Variants in ADAM10 observed in about 807,000 individuals in gnomAD.
ADAM10 encodes the protein ADAM metallopeptidase domain 10.
A neutral mutation model predicts 90.1 loss-of-function variants in ADAM10; 17 were observed. The ratio of observed to expected loss-of-function variants is 0.19; its 90% CI spans 0.13 to 0.28. ADAM10 has a LOEUF of 0.28. ADAM10 is among the 10% of genes least tolerant of loss of function. ADAM10 has a pLI of 1.00. For synonymous variants in ADAM10, 310 were observed against 298.6 expected (o/e 1.04, Z -0.40); for missense variants, 610 against 914.3 (o/e 0.67, Z 4.29).
chr15:58,633,398 T>C, intron 8 of ADAM10, 39 bp from the exon 9 acceptor site: 2 of 1,569,956 alleles, frequency 1.3e-6, no homozygotes, highest in Admixed American at 3.3e-5. Flanking sequence ...TAGTATCTGT[T>C]TCCCCTTACC....
chr15:58,698,406 T>TAAAAA (rs56797082), intron 2 of ADAM10: 142 of 201,586 alleles, frequency 7.0e-4, no homozygotes, highest in South Asian at 2.8e-3. Context: ...ACCCCATCTC[T>TAAAAA]AAAAAAAAAA....
intron 4 of ADAM10, among the ~76,000 whole-genome samples, chr15:58,669,117 T>A (rs1302221784): frequency 6.6e-6 from 1 of 152,142 alleles, no homozygotes; most frequent in Non-Finnish European, 1.5e-5. Flanking sequence ...AATTATTATA[T>A]ACCAAACAAA....
chr15:58,636,686 G>T (rs755121358), intron 8 of ADAM10, among the ~76,000 whole-genome samples: 1 of 152,058 alleles, frequency 6.6e-6, no homozygotes, highest in Non-Finnish European at 1.5e-5. Context: ...TAAAGTTAGA[G>T]TATCTGTCCT....
At chr15:58,714,130 G>C (rs575304533) in intron 2 of ADAM10, among the ~76,000 whole-genome samples, 11 of 152,118 alleles carry the variant, frequency 7.2e-5, no homozygotes, top group African/African-American at 2.7e-4. Context: ...TGGACTTTTG[G>C]TTTGGAAAAA....
At chr15:58,630,266 C>T (rs1566973163) in intron 9 of ADAM10, among the ~76,000 whole-genome samples, 1 of 152,036 alleles carries the variant, frequency 6.6e-6, no homozygotes. Context: ...TTATTAAGGG[C>T]CATATTCATT....
rs536706035 is a variant in ADAM10 at position 58,639,423 on chromosome 15, T to C, written c.1012+1354A>G. 1.1e-4 allele frequency among the ~76,000 whole-genome samples: 16 copies of C among 152,354 alleles called. No homozygotes were observed. In the South Asian group the frequency reaches 3.1e-3, roughly 30 times the overall value. On this transcript the variant is annotated intron_variant, in intron 8 of 15. Coordinates refer to ENST00000260408, the MANE Select transcript of ADAM10 (RefSeq NM_001110.4). ...ATATGAGACCCTGAGTTTTTAGTAG[T>C]ACTTACTAATGAATAGGGAGAAGAA... is the stretch of plus-strand genomic sequence containing the variant.
chr15:58,710,529 G>A (rs554009846), intron 2 of ADAM10, among the ~76,000 whole-genome samples: 82 of 152,120 alleles, frequency 5.4e-4, no homozygotes, highest in Non-Finnish European at 7.2e-4. Flanking sequence ...CGTATAAAGC[G>A]GAATCAGGCA....
intron 1 of ADAM10, among the ~76,000 whole-genome samples, chr15:58,718,785 C>T (rs1485807560): frequency 6.6e-6 from 1 of 152,184 alleles, no homozygotes; most frequent in Non-Finnish European, 1.5e-5. Context: ...CTGCAGATCT[C>T]AGGGATCCTC....
In ADAM10 at chr15:58,619,594, C is replaced by G. The variant is rs1319305187; in HGVS notation, c.1511+1877G>C. Among the ~76,000 whole-genome samples, 5 of 152,016 alleles carry G rather than the reference C, an allele frequency of 3.3e-5. No individual in the cohort carries two copies. In the South Asian group the frequency reaches 8.3e-4, roughly 25 times the overall value. On this transcript the variant is annotated intron_variant, in intron 11 of 15. Coordinates refer to ENST00000260408, the MANE Select transcript of ADAM10 (RefSeq NM_001110.4). ...CATATACCTCATAAATATGTACAAT[C>G]ATTATGTATCAATTAAAAATGGAAT...
Position 58,633,237 on chromosome 15 carries a change from T to C in ADAM10, c.1135A>G (p.Ile379Val). 4 of 1,613,634 alleles carry C rather than the reference T, an allele frequency of 2.5e-6. No homozygotes were observed. The highest frequency in any genetic ancestry group is 3.4e-6 in the Non-Finnish European group (4 of 1,179,654). ...TGTCCAACTTCGTGAGCAAAAGTAA[T>C]GTGAGAGACTTTGGGAGGTACATGA... The part of the protein sequence containing the change: ...GSHVPPKVSH[I>V]TFAHEVGHNF... Residue 379 changes from isoleucine (I) to valine (V), a missense_variant, in exon 9 of 16, where the codon ATT becomes GTT. Physicochemically the swap from Ile to Val is conservative, Grantham distance 29. Coordinates refer to ENST00000260408, the MANE Select transcript of ADAM10 (RefSeq NM_001110.4).
chr15:58,695,698 C>T (rs1897957859), intron 2 of ADAM10, among the ~76,000 whole-genome samples: 1 of 151,864 alleles, frequency 6.6e-6, no homozygotes, highest in Non-Finnish European at 1.5e-5. Context: ...AAAGAACGAA[C>T]ATTCTGGCCT....
At chr15:58,729,704 T>G (rs1413553394) in intron 1 of ADAM10, among the ~76,000 whole-genome samples, 2 of 152,006 alleles carry the variant, frequency 1.3e-5, no homozygotes, top group Admixed American at 1.3e-4. Flanking sequence ...GGGCTCACGC[T>G]TGTAATCCCA....
chr15:58,599,732 T>G lies in ADAM10; in HGVS notation c.2026-8A>C. On this transcript the variant is annotated splice_region_variant and splice_polypyrimidine_tract_variant and intron_variant, in intron 14 of 15. Transcript: ENST00000260408. ...TACTGCCCACCAATGAGCCTAGAAA[T>G]AAACAGATTTTTCCACTGAAAAAAA... 1 of 1,594,160 alleles carries G rather than the reference T, an allele frequency of 6.3e-7. No homozygotes were observed. The highest frequency in any genetic ancestry group is 8.5e-7 in the Non-Finnish European group (1 of 1,175,976).
intron 4 of ADAM10, among the ~76,000 whole-genome samples, chr15:58,669,195 C>T (rs1282216888): frequency 2.0e-5 from 3 of 152,154 alleles, no homozygotes; most frequent in African/African-American, 7.2e-5. Context: ...AGGTGTCTGA[C>T]ATGTAAACAA....
chr15:58,659,949 C>T (rs561054573), intron 5 of ADAM10, among the ~76,000 whole-genome samples: 2 of 152,206 alleles, frequency 1.3e-5, no homozygotes, highest in African/African-American at 4.8e-5. Flanking sequence ...AGGAAGGTCT[C>T]GATCTCCTGA....
chr15:58,708,520 G>A (rs966682665), intron 2 of ADAM10, among the ~76,000 whole-genome samples: 4 of 151,880 alleles, frequency 2.6e-5, no homozygotes, highest in Non-Finnish European at 5.9e-5. Context: ...AAAATTAGCC[G>A]AGCATAATGG....
At chr15:58,747,072 G>A (rs1257739542) in intron 1 of ADAM10, among the ~76,000 whole-genome samples, 1 of 152,000 alleles carries the variant, frequency 6.6e-6, no homozygotes, top group Non-Finnish European at 1.5e-5. Context: ...AGTTCATTTC[G>A]GGCATGATTT....
chr15:58,619,699 T>A (rs1895723244), intron 11 of ADAM10, among the ~76,000 whole-genome samples: 1 of 151,774 alleles, frequency 6.6e-6, no homozygotes. Context: ...GGTCAGGAGA[T>A]CGAGACCACC....
intron 7 of ADAM10, among the ~76,000 whole-genome samples, chr15:58,641,614 T>G (rs1213909562): frequency 6.6e-6 from 1 of 152,220 alleles, no homozygotes; most frequent in Non-Finnish European, 1.5e-5. Context: ...TTAGCTACTA[T>G]ACTCCTACCA....
Sources: allele counts gnomAD v4.1 joint callset (sites outside exome capture counted in the v4.1 genomes callset), GRCh38; gene constraint gnomAD v4.1.1; transcripts MANE v1.5; gene names NCBI Gene and HGNC (gene_info 2026-07-23, HGNC 2026-07-21).